Variants in LMX1A observed in about 807,000 individuals in gnomAD.
LMX1A encodes the protein LIM homeobox transcription factor 1 alpha, also known as LIM homeobox transcription factor 1-alpha.
A neutral mutation model predicts 49.1 loss-of-function variants in LMX1A; 15 were observed. The ratio of observed to expected loss-of-function variants is 0.31; its 90% CI spans 0.20 to 0.47. The LOEUF (loss-of-function observed/expected upper bound fraction) is 0.47. Among genes scored for constraint, LMX1A ranks in the 20% least tolerant of loss-of-function variants. The pLI, the probability that LMX1A is intolerant of heterozygous loss-of-function variation, is 1.00. For synonymous variants in LMX1A, 167 were observed against 185.7 expected (o/e 0.90, Z 0.82); for missense variants, 372 against 475.8 (o/e 0.78, Z 2.03).
At chr1:165,292,420 G>C (rs2101716602) in intron 3 of LMX1A, among the ~76,000 whole-genome samples, 1 of 152,304 alleles carries the variant, frequency 6.6e-6, no homozygotes, top group Middle Eastern at 3.4e-3. Flanking sequence ...AGAAGGAGTT[G>C]TTATGTATCA....
chr1:165,333,014 G>A lies in LMX1A; in HGVS notation c.263+20062C>T, dbSNP rs185665782. On this transcript the variant is annotated intron_variant, in intron 3 of 8. Transcript: ENST00000342310. Reference sequence around the variant, plus strand: ...TCTATGCCTCTTTTAGAAACCATGCGGCATTGGGACCATCACTTAGCCTCT... The same window carrying A: ...TCTATGCCTCTTTTAGAAACCATGCAGCATTGGGACCATCACTTAGCCTCT... Among the ~76,000 whole-genome samples, 26 of 152,218 alleles carry A rather than the reference G, an allele frequency of 1.7e-4. No homozygotes were observed. The East Asian group carries it at 3.3e-3, about 19-fold the overall frequency.
At chr1:165,325,260 C>T (rs1305219914) in intron 3 of LMX1A, among the ~76,000 whole-genome samples, 1 of 152,168 alleles carries the variant, frequency 6.6e-6, no homozygotes, top group Non-Finnish European at 1.5e-5. Context: ...CCCTTACTTA[C>T]TCTTGGATTA....
chr1:165,295,020 C>T (rs1345985538), intron 3 of LMX1A, among the ~76,000 whole-genome samples: 1 of 152,106 alleles, frequency 6.6e-6, no homozygotes, highest in Non-Finnish European at 1.5e-5. Flanking sequence ...AGAGGATGCA[C>T]TGATGTTGCT....
chr1:165,309,211 C>A (rs935216742), intron 3 of LMX1A, among the ~76,000 whole-genome samples: 1 of 152,058 alleles, frequency 6.6e-6, no homozygotes. Context: ...TTGCTGCACG[C>A]TCCCCACCCC....
chr1:165,250,173 C>T (rs1484713607), intron 3 of LMX1A, among the ~76,000 whole-genome samples: 1 of 152,142 alleles, frequency 6.6e-6, no homozygotes, highest in African/African-American at 2.4e-5. Flanking sequence ...AGCAAACCAT[C>T]ATGGCACACG....
chr1:165,212,275 T>C (rs1651436762), intron 5 of LMX1A, among the ~76,000 whole-genome samples: 1 of 152,184 alleles, frequency 6.6e-6, no homozygotes, highest in South Asian at 2.1e-4. Context: ...GCCTGTGGGA[T>C]GTGATGTGTC....
chr1:165,312,542 G>C (rs1007122738), intron 3 of LMX1A, among the ~76,000 whole-genome samples: 1 of 152,120 alleles, frequency 6.6e-6, no homozygotes, highest in Non-Finnish European at 1.5e-5. Context: ...AGATTGGTAG[G>C]TTCCACTTCC....
At chr1:165,295,389 T>A (rs1654586810) in intron 3 of LMX1A, among the ~76,000 whole-genome samples, 1 of 150,124 alleles carries the variant, frequency 6.7e-6, no homozygotes, top group South Asian at 2.1e-4. Flanking sequence ...TTTGCCGTAA[T>A]AAATAGGTAG....
intron 4 of LMX1A, among the ~76,000 whole-genome samples, chr1:165,220,137 C>T (rs933343800): frequency 5.3e-5 from 8 of 152,020 alleles, no homozygotes; most frequent in African/African-American, 9.7e-5. Flanking sequence ...AGCACTGTTC[C>T]GAGTACTGTG....
chr1:165,304,622 A>T (rs1248776520), intron 3 of LMX1A, among the ~76,000 whole-genome samples: 1 of 151,998 alleles, frequency 6.6e-6, no homozygotes, highest in Non-Finnish European at 1.5e-5. Flanking sequence ...TTACCATGTC[A>T]TTCCCCTGCT....
intron 3 of LMX1A, among the ~76,000 whole-genome samples, chr1:165,253,725 T>C (rs1320819814): frequency 6.6e-6 from 1 of 152,152 alleles, no homozygotes; most frequent in Non-Finnish European, 1.5e-5. Flanking sequence ...CCTCTGCCTC[T>C]CAGCTTCAGA....
intron 3 of LMX1A, among the ~76,000 whole-genome samples, chr1:165,281,578 A>G (rs1011641024): frequency 1.2e-4 from 19 of 152,204 alleles, no homozygotes; most frequent in African/African-American, 4.3e-4. Flanking sequence ...ATTGGAGGAA[A>G]GGTTTCAGGC....
chr1:165,240,815 A>G (rs908421715), intron 4 of LMX1A, among the ~76,000 whole-genome samples: 1 of 152,200 alleles, frequency 6.6e-6, no homozygotes. Context: ...TAAAGATGGG[A>G]GACATACCAT....
intron 3 of LMX1A, among the ~76,000 whole-genome samples, chr1:165,259,069 C>T (rs1416647503): frequency 6.6e-6 from 1 of 152,162 alleles, no homozygotes; most frequent in Admixed American, 6.5e-5. Context: ...CATATCTGCC[C>T]ATGTAAATAT....
intron 4 of LMX1A, among the ~76,000 whole-genome samples, chr1:165,227,403 T>C (rs1466331716): frequency 2.0e-5 from 3 of 152,132 alleles, no homozygotes; most frequent in African/African-American, 4.8e-5. Context: ...TAGCTGGGTA[T>C]GTTGGCACAC....
At chr1:165,247,431 A>G (rs1652901060) in intron 4 of LMX1A, among the ~76,000 whole-genome samples, 1 of 152,138 alleles carries the variant, frequency 6.6e-6, no homozygotes, top group Non-Finnish European at 1.5e-5. Flanking sequence ...TTTCTATACC[A>G]AGTGTATACC....
chr1:165,307,293 C>T (rs1280407192), intron 3 of LMX1A, among the ~76,000 whole-genome samples: 1 of 152,220 alleles, frequency 6.6e-6, no homozygotes, highest in African/African-American at 2.4e-5. Flanking sequence ...TTGGCCTTCA[C>T]AGCTCTGTCC....
chr1:165,319,343 A>C (rs1655315193), intron 3 of LMX1A, among the ~76,000 whole-genome samples: 1 of 152,200 alleles, frequency 6.6e-6, no homozygotes, highest in South Asian at 2.1e-4. Flanking sequence ...GATTTATTAA[A>C]GTATAAGAGA....
chr1:165,289,805 T>C (rs1654409257), intron 3 of LMX1A, among the ~76,000 whole-genome samples: 1 of 152,206 alleles, frequency 6.6e-6, no homozygotes, highest in Non-Finnish European at 1.5e-5. Context: ...GGGTTAGATC[T>C]GATAGGAGTA....
Sources: allele counts gnomAD v4.1 joint callset (sites outside exome capture counted in the v4.1 genomes callset), GRCh38; gene constraint gnomAD v4.1.1; transcripts MANE v1.5; gene names NCBI Gene and HGNC (gene_info 2026-07-23, HGNC 2026-07-21).